Variants in BMPR1A observed in about 807,000 individuals in gnomAD.
BMPR1A encodes bone morphogenetic protein receptor type 1A.
A neutral mutation model predicts 66.0 loss-of-function variants in BMPR1A; 7 were observed. The ratio of observed to expected loss-of-function variants is 0.11; its 90% CI spans 0.06 to 0.20. The LOEUF (loss-of-function observed/expected upper bound fraction) is 0.20. Ranked by LOEUF, BMPR1A falls within the 10% of genes least tolerant of loss-of-function variation. BMPR1A has a pLI of 1.00. For missense variants in BMPR1A, 408 were observed against 669.1 expected (o/e 0.61, Z 4.31); for synonymous variants, 200 against 229.7 (o/e 0.87, Z 1.17).
chr10:86,759,971 G>A (rs1005898188), intron 1 of BMPR1A, among the ~76,000 whole-genome samples: 10 of 62,080 alleles, frequency 1.6e-4, no homozygotes, highest in East Asian at 5.6e-4. Flanking sequence ...CCACCACCCC[G>A]CGACTCCACC....
chr10:86,931,678 GTTAAC>G (rs2133667119), downstream of BMPR1A: 1 of 152,190 alleles, frequency 6.6e-6, no homozygotes, highest in South Asian at 2.1e-4. Flanking sequence ...TGTTATACAG[GTTAAC>G]TTATTTTCAA....
intron 11 of BMPR1A, among the ~76,000 whole-genome samples, 174 bp from the exon 12 acceptor site, chr10:86,923,202 G>A (rs1843692509): frequency 6.6e-6 from 1 of 151,974 alleles, no homozygotes; most frequent in Non-Finnish European, 1.5e-5. Flanking sequence ...GGAAATAGTT[G>A]GACATAAATA....
At chr10:86,892,874 A>AG (rs1843172927) in intron 5 of BMPR1A, among the ~76,000 whole-genome samples, 1 of 151,930 alleles carries the variant, frequency 6.6e-6, no homozygotes. Context: ...AAAAAAAAAA[A>AG]AAAAAAATTC....
chr10:86,838,175 T>C (rs1436493575), intron 1 of BMPR1A, among the ~76,000 whole-genome samples: 2 of 152,136 alleles, frequency 1.3e-5, no homozygotes, highest in Non-Finnish European at 2.9e-5. Context: ...GTTGCAGTGA[T>C]CCGAGATGGC....
chr10:86,788,671 G>T (rs1162680769), intron 1 of BMPR1A, among the ~76,000 whole-genome samples: 2 of 150,334 alleles, frequency 1.3e-5, no homozygotes, highest in Admixed American at 1.3e-4. Context: ...GCAATAGTGT[G>T]ATCTCGGCTC....
chr10:86,784,198 T>C (rs1193678823), intron 1 of BMPR1A, among the ~76,000 whole-genome samples: 1 of 152,186 alleles, frequency 6.6e-6, no homozygotes, highest in Non-Finnish European at 1.5e-5. Flanking sequence ...AGGGAAAGCT[T>C]TCAGTTTTTC....
intron 1 of BMPR1A, among the ~76,000 whole-genome samples, chr10:86,815,519 A>G (rs763941207): frequency 7.2e-5 from 11 of 152,156 alleles, no homozygotes; most frequent in African/African-American, 1.9e-4. Context: ...GTTCGTTCCA[A>G]TGAAGACTTG....
intron 1 of BMPR1A, among the ~76,000 whole-genome samples, chr10:86,767,096 A>G (rs538993356): frequency 2.6e-5 from 4 of 152,310 alleles, no homozygotes; most frequent in Non-Finnish European, 5.9e-5. Context: ...TGCTGGGATT[A>G]CAGGCGTGAG....
intron 5 of BMPR1A, among the ~76,000 whole-genome samples, chr10:86,896,010 C>T (rs981013497): frequency 1.3e-4 from 20 of 151,942 alleles, no homozygotes; most frequent in African/African-American, 3.6e-4. Context: ...AAAAATTAGC[C>T]GGGCGTGGTG....
At chr10:86,873,956 T>A (rs1842885209) in intron 2 of BMPR1A, among the ~76,000 whole-genome samples, 1 of 152,236 alleles carries the variant, frequency 6.6e-6, no homozygotes, top group Non-Finnish European at 1.5e-5. Flanking sequence ...GTAAACCTTC[T>A]TTGCCTCAGT....
At chr10:86,888,085 TGAAAG>T (rs1179028241) in intron 3 of BMPR1A, among the ~76,000 whole-genome samples, 3 of 151,876 alleles carry the variant, frequency 2.0e-5, no homozygotes, top group African/African-American at 7.3e-5. Context: ...AATTTATTTC[TGAAAG>T]GAGAGTGGTG....
At chr10:86,791,244 G>A (rs1841613825) in intron 1 of BMPR1A, among the ~76,000 whole-genome samples, 2 of 147,330 alleles carry the variant, frequency 1.4e-5, no homozygotes, top group African/African-American at 5.0e-5. Flanking sequence ...ACAAAGTCTC[G>A]CTCTGTTTCC....
chr10:86,884,481 T>C (rs1843042448), intron 3 of BMPR1A, among the ~76,000 whole-genome samples: 1 of 143,440 alleles, frequency 7.0e-6, no homozygotes, highest in Non-Finnish European at 1.5e-5. Flanking sequence ...TGGTGTGATC[T>C]TGTCTCACTA....
At chr10:86,893,232 C>G (rs1589764872) in intron 5 of BMPR1A, among the ~76,000 whole-genome samples, 1 of 151,972 alleles carries the variant, frequency 6.6e-6, no homozygotes, top group East Asian at 1.9e-4. Flanking sequence ...AGGGTAACCA[C>G]TAAAGTTGAA....
intron 1 of BMPR1A, among the ~76,000 whole-genome samples, chr10:86,780,263 C>G (rs954688996): frequency 1.3e-5 from 2 of 152,142 alleles, no homozygotes; most frequent in Non-Finnish European, 2.9e-5. Context: ...CTCGTCTCTT[C>G]ATGATGTTAA....
At chr10:86,920,740 G>A (rs989252264) in intron 10 of BMPR1A, among the ~76,000 whole-genome samples, 10 of 151,748 alleles carry the variant, frequency 6.6e-5, no homozygotes, top group African/African-American at 2.2e-4. Context: ...ATGTCACAAA[G>A]CCTTAGTGTA....
intron 3 of BMPR1A, among the ~76,000 whole-genome samples, chr10:86,877,487 G>A (rs1014216727): frequency 1.3e-5 from 2 of 152,140 alleles, no homozygotes; most frequent in African/African-American, 4.8e-5. Context: ...CATTACAGGC[G>A]TGAGCCACTG....
intron 1 of BMPR1A, among the ~76,000 whole-genome samples, chr10:86,796,292 G>A (rs1841708731): frequency 6.6e-6 from 1 of 151,816 alleles, no homozygotes; most frequent in African/African-American, 2.4e-5. Flanking sequence ...CCTTTTCTGA[G>A]GGGTTAGGAA....
chr10:86,893,312 A>G (rs1271466128), intron 5 of BMPR1A, among the ~76,000 whole-genome samples: 3 of 152,146 alleles, frequency 2.0e-5, no homozygotes, highest in South Asian at 2.1e-4. Context: ...AGGAATCAGG[A>G]TGGTAATAGT....
Sources: allele counts gnomAD v4.1 joint callset (sites outside exome capture counted in the v4.1 genomes callset), GRCh38; gene constraint gnomAD v4.1.1; transcripts MANE v1.5; gene names NCBI Gene and HGNC (gene_info 2026-07-23, HGNC 2026-07-21).